ESRP1: variants seen among roughly 807,000 people sequenced by gnomAD.
The protein encoded by ESRP1 is epithelial splicing regulatory protein 1.
In ESRP1, 33 loss-of-function variants were observed where a neutral mutation model predicts 81.7. The observed-to-expected ratio is 0.40, with a 90% CI of 0.31 to 0.54. ESRP1 has a LOEUF of 0.54. Ranked by LOEUF, ESRP1 falls within the 20% of genes least tolerant of loss-of-function variation. The probability of loss-of-function intolerance (pLI) is 0.41; values close to 1 mark genes in which losing one functional copy is unlikely to be tolerated. For missense variants in ESRP1, 672 were observed against 833.1 expected (o/e 0.81, Z 2.38); for synonymous variants, 320 against 303.3 (o/e 1.06, Z -0.57).
At chr8:94,661,476 A>G (rs1039611331) in intron 4 of ESRP1, among the ~76,000 whole-genome samples, 2 of 152,234 alleles carry the variant, frequency 1.3e-5, no homozygotes, top group Non-Finnish European at 2.9e-5. Flanking sequence ...CTTTATTGTG[A>G]TATTCACTTT....
chr8:94,706,002 C>T lies in ESRP1; in HGVS notation c.*113C>T, dbSNP rs2130753231. ...AGCAAATTCAGGGGAAGTTTGTCTA[C>T]ACTCAGGCTGCAGTATTTTCAGCAA... is the stretch of plus-strand genomic sequence containing the variant. On this transcript the variant is annotated 3_prime_UTR_variant, in exon 16 of 16. Coordinates refer to ENST00000433389, the MANE Select transcript of ESRP1 (RefSeq NM_017697.4). 1 of 1,465,156 alleles carries T rather than the reference C, an allele frequency of 6.8e-7. No homozygotes were observed. The highest frequency in any genetic ancestry group is 1.4e-5 in the African/African-American group (1 of 69,512). The allele number at this position is 1,465,156 out of a possible 1,614,324, so 90.8% of individuals were successfully genotyped here.
chr8:94,674,554 G>A, intron 12 of ESRP1, 48 bp downstream of exon 12: 2 of 1,547,212 alleles, frequency 1.3e-6, no homozygotes, highest in East Asian at 4.5e-5. Flanking sequence ...TATGCTGGTA[G>A]GTGCTTAAGC....
At chr8:94,703,232 G>T (rs1176427611) in intron 15 of ESRP1, among the ~76,000 whole-genome samples, 1 of 150,942 alleles carries the variant, frequency 6.6e-6, no homozygotes, top group African/African-American at 2.4e-5. Context: ...TCGGCTCACT[G>T]CAACCTCCAC....
intron 13 of ESRP1, among the ~76,000 whole-genome samples, chr8:94,684,198 G>T (rs1014856071): frequency 5.3e-5 from 8 of 152,132 alleles, no homozygotes; most frequent in African/African-American, 1.9e-4. Flanking sequence ...ACATAAATTT[G>T]CCAGGTATTT....
chr8:94,649,780 T>G (rs1272871561), intron 4 of ESRP1: 1 of 152,304 alleles, frequency 6.6e-6, no homozygotes, highest in Admixed American at 6.5e-5. Flanking sequence ...CCCAAAGTGC[T>G]GGGATTACAG....
At chr8:94,650,277 G>T in intron 4 of ESRP1, among the ~76,000 whole-genome samples, 1 of 150,434 alleles carries the variant, frequency 6.6e-6, no homozygotes. Context: ...TTTTTTACCT[G>T]CTACCTTAAA....
chr8:94,698,611 T>C (rs1809696724), intron 15 of ESRP1, among the ~76,000 whole-genome samples: 1 of 152,236 alleles, frequency 6.6e-6, no homozygotes, highest in Non-Finnish European at 1.5e-5. Flanking sequence ...TTGAGGCTTC[T>C]TGGGAGATGT....
chr8:94,643,909 G>C (rs1185245690), intron 3 of ESRP1, among the ~76,000 whole-genome samples: 1 of 152,156 alleles, frequency 6.6e-6, no homozygotes, highest in Non-Finnish European at 1.5e-5. Context: ...AACATTTAAA[G>C]TTGTATTTCT....
rs1033963337 is a variant in ESRP1 at position 94,665,216 on chromosome 8, T to C, written c.931+20T>C. ...CTGGTGGTAAGTGCCTTTTACATAATGTGGCTTTAGTTAATAAGAATCTAA... is the reference window on the plus strand; with the variant it reads ...CTGGTGGTAAGTGCCTTTTACATAACGTGGCTTTAGTTAATAAGAATCTAA... On this transcript the variant is annotated intron_variant, in intron 9 of 15. Transcript: ENST00000433389. 8 of 1,608,906 alleles carry C rather than the reference T, an allele frequency of 5.0e-6. No individual in the cohort carries two copies. In the African/African-American group the frequency reaches 8.0e-5, roughly 16 times the overall value.
chr8:94,679,320 A>C (rs915632379), intron 13 of ESRP1, among the ~76,000 whole-genome samples: 4 of 152,228 alleles, frequency 2.6e-5, no homozygotes, highest in Non-Finnish European at 4.4e-5. Context: ...AGGTTTGAAA[A>C]GGCTAAGAAG....
In ESRP1 at chr8:94,696,882, A is replaced by G. The variant is rs760377197; in HGVS notation, c.2002A>G (p.Asn668Asp). The G allele has an allele frequency of 6.9e-6, 11 of 1,595,878 alleles. No homozygotes were observed. In the South Asian group the frequency reaches 1.1e-4, roughly 17 times the overall value. The change falls in exon 15 of 16, where the codon AAT (asparagine) becomes GAT (aspartate). Residue 668 changes from asparagine to aspartate, a missense_variant. By Grantham distance (23) the Asn-to-Asp change is conservative. Transcript: ENST00000433389. The part of the protein sequence containing the change: ...YATEDGLIHT[N>D]DQARTLPKEW... ...AACCGAGGATGGACTTATACACACA[A>G]ATGACCAGGCCAGGACTCTACCCAA...
intron 15 of ESRP1, among the ~76,000 whole-genome samples, chr8:94,700,937 ATGTGTGTGTGTGTGTATGTGTGTGTG>A (rs1809802298): frequency 1.6e-5 from 2 of 125,836 alleles, no homozygotes; most frequent in East Asian, 2.2e-4. Flanking sequence ...TCAAAAAAAA[ATGTGTGTGTGTGTGTATGTGTGTGTG>A]TGTGTGTGTG....
At position 94,672,767 on chromosome 8, in the gene ESRP1, G is replaced by A. The variant is rs181663180; in HGVS notation, c.1452+1096G>A. ...AGGCTGGTCTCAAACTCCTGACCTC[G>A]GGCGATCTACCCGCCTTGGCCTCCC... On this transcript the variant is annotated intron_variant, in intron 11 of 15. Transcript: ENST00000433389. Among the ~76,000 whole-genome samples the A allele has an allele frequency of 7.7e-4, 117 of 152,248 alleles. 1 individual carries two copies. The highest frequency in any genetic ancestry group is 2.6e-3 in the African/African-American group (108 of 41,556).
At chr8:94,690,509 G>A (rs62523454) in intron 13 of ESRP1, among the ~76,000 whole-genome samples, 82 of 151,972 alleles carry the variant, frequency 5.4e-4, no homozygotes, top group Non-Finnish European at 9.4e-4. Context: ...TTTTTCTTAC[G>A]ATTCCTTGTA....
intron 13 of ESRP1, among the ~76,000 whole-genome samples, chr8:94,687,104 AAAAAG>A (rs1809172004): frequency 1.3e-5 from 2 of 152,178 alleles, no homozygotes; most frequent in South Asian, 4.1e-4. Context: ...ATGTCACTCC[AAAAAG>A]AAACCTTATG....
rs187359769 is a variant in ESRP1 at position 94,688,859 on chromosome 8, G to C, written c.1821-3818G>C. Among the ~76,000 whole-genome samples, 68 of 152,122 alleles carry C rather than the reference G, an allele frequency of 4.5e-4. 2 individuals are homozygous for C. Among genetic ancestry groups the C allele is most frequent in the Middle Eastern group, 3.4e-3 (1 of 294 alleles). The stretch of plus-strand genomic sequence containing the variant: ...CCTTTTTATTTCCATATACATTTTA[G>C]GTTCAGTTTTGTCAATTTCTGTACA... On this transcript the variant is annotated intron_variant, in intron 13 of 15. Coordinates refer to ENST00000433389, the MANE Select transcript of ESRP1 (RefSeq NM_017697.4).
chr8:94,646,334 A>T (rs79477134), intron 4 of ESRP1, 52 bp downstream of exon 4: 14 of 1,251,942 alleles, frequency 1.1e-5, no homozygotes, highest in African/African-American at 1.5e-5. Context: ...GTTCCAGAAA[A>T]GGTAATTCAA....
Position 94,643,268 on chromosome 8 carries a change from T to A in ESRP1, c.262-35T>A, listed in dbSNP as rs759669010. 2.9e-6 allele frequency: 4 copies of A among 1,385,932 alleles called. No individual in the cohort carries two copies. The Admixed American group carries it at 5.0e-5, about 17-fold the overall frequency. The allele number at this position is 1,385,932 out of a possible 1,614,324, so 85.9% of individuals were successfully genotyped here. ...CTTTGCAGAGTTTGTAAATCGTGCA[T>A]CAGTTGCATCCCTATGTGTATCTTG... On this transcript the variant is annotated intron_variant, in intron 2 of 15. Coordinates refer to ENST00000433389, the MANE Select transcript of ESRP1 (RefSeq NM_017697.4).
intron 15 of ESRP1, 34 bp downstream of exon 15, chr8:94,696,995 A>G (rs1809632256): frequency 1.4e-6 from 2 of 1,394,818 alleles, no homozygotes; most frequent in Non-Finnish European, 1.9e-6. Context: ...TAAATTATAA[A>G]GGGCCAAACA....
Sources: gnomAD v4.1 joint callset for allele counts (sites outside exome capture counted in the v4.1 genomes callset) on GRCh38, gnomAD v4.1.1 for gene constraint, MANE v1.5 for transcripts, NCBI Gene and HGNC (gene_info 2026-07-23, HGNC 2026-07-21) for gene names.